Variants in RELT observed in about 807,000 individuals in gnomAD.
The protein encoded by RELT is RELT TNF receptor.
RELT carries 37 observed loss-of-function variants against 51.1 expected under a neutral mutation model. The observed-to-expected ratio is 0.72, with a 90% CI of 0.56 to 0.95. The LOEUF is 0.95. RELT is among the 40% of genes least tolerant of loss of function. The pLI is 0.00. For missense variants in RELT, 535 were observed against 572.6 expected (o/e 0.93, Z 0.67); for synonymous variants, 241 against 235.7 (o/e 1.02, Z -0.21).
rs866911047 is a variant in RELT, at chr11:73,392,464, C to G, written c.621C>G (p.Gly207=). The G allele has an allele frequency of 6.2e-7, 1 of 1,611,550 alleles. No individual in the cohort carries two copies. The highest frequency in any genetic ancestry group is 1.7e-4 in the Middle Eastern group (1 of 6,060). Residue 207 remains glycine (G), a synonymous_variant, in exon 6 of 11, where the codon GGC becomes GGG. Transcript: ENST00000064780. ...TCGGGCCCGGCCCTGGAGGTGGAGG[C>G]AGTGGTGAGGCCCAGCTGGGGTCCA... ...KEVGPGPGGG[G]SGINPAYRTE...
At position 73,395,059 on chromosome 11, in the gene RELT, G is replaced by A. The variant is rs539448434; in HGVS notation, c.1047-28G>A. The A allele has an allele frequency of 7.8e-5, 124 of 1,588,170 alleles. No homozygotes were observed. The South Asian group carries it at 9.6e-4, about 12-fold the overall frequency. On this transcript the variant is annotated intron_variant, in intron 9 of 10. Transcript: ENST00000064780. ...TCTGTGCCCCGGGATCCCCGCTAACGGGGATGATTGCCCCACTCTCCTCAC... is the reference window on the plus strand; with the variant it reads ...TCTGTGCCCCGGGATCCCCGCTAACAGGGATGATTGCCCCACTCTCCTCAC...
In RELT at chr11:73,376,423, G is replaced by A. The variant is rs932489331; in HGVS notation, c.-102G>A. 1 of 151,962 alleles carries A rather than the reference G, an allele frequency of 6.6e-6. No homozygotes were observed. The highest frequency in any genetic ancestry group is 1.5e-5 in the Non-Finnish European group (1 of 67,968). 9.4% of individuals were successfully genotyped at this position (151,962 alleles called of 1,614,324 possible). On this transcript the variant is annotated 5_prime_UTR_variant, in exon 1 of 11. Coordinates refer to ENST00000064780, the MANE Select transcript of RELT (RefSeq NM_152222.2). ...CAAAAGGCGCGCAGGCTGCGCGGCTGTCCGGGCGCTCGCCGAGCCGGGCCG... is the reference window on the plus strand; with the variant it reads ...CAAAAGGCGCGCAGGCTGCGCGGCTATCCGGGCGCTCGCCGAGCCGGGCCG...
intron 1 of RELT, among the ~76,000 whole-genome samples, chr11:73,379,762 G>A (rs992935211): frequency 1.3e-5 from 2 of 152,210 alleles, no homozygotes; most frequent in African/African-American, 4.8e-5. Flanking sequence ...TCTGGTTCTA[G>A]CTTCTGTGCT....
Position 73,394,180 on chromosome 11 carries a change from G to A in RELT, c.707-56G>A. The A allele has an allele frequency of 2.7e-6, 4 of 1,475,998 alleles. No homozygotes were observed. The highest frequency in any genetic ancestry group is 2.8e-6 in the Non-Finnish European group (3 of 1,078,672). The allele number at this position is 1,475,998 out of a possible 1,614,324, so 91.4% of individuals were successfully genotyped here. A position where few individuals can be genotyped will look rare whatever the true frequency, so the allele number is the denominator to read the frequency against. On this transcript the variant is annotated intron_variant, in intron 7 of 10. Transcript: ENST00000064780. The surrounding 1 kb of genome is among the most constrained non-coding windows in gnomAD (Gnocchi z 4.9). Reference sequence around the variant, plus strand: ...TGGGGGGTTCTCTGCTGGGGCAGGGGGTGGGAGGTGTGTCCCATATGGCCA... The same window carrying A: ...TGGGGGGTTCTCTGCTGGGGCAGGGAGTGGGAGGTGTGTCCCATATGGCCA...
intron 2 of RELT, 75 bp downstream of exon 2, chr11:73,389,256 G>C: frequency 9.4e-7 from 1 of 1,064,630 alleles, no homozygotes; most frequent in Middle Eastern, 2.2e-4. Flanking sequence ...AGAGGGTGCA[G>C]ACACTCCCGG....
intron 1 of RELT, among the ~76,000 whole-genome samples, chr11:73,384,914 C>T (rs891195481): frequency 3.9e-5 from 6 of 151,908 alleles, no homozygotes; most frequent in Non-Finnish European, 8.8e-5. Flanking sequence ...GAGCTGAGCT[C>T]TAAGGAAGAG....
At position 73,388,397 on chromosome 11, in the gene RELT, T is replaced by C. The variant is rs919718040; in HGVS notation, c.-25-715T>C. ...CGTGACCACCCCAGCCCCATAGGTCTGCCAGGGGAAGAGCTGTGGCCAGAC... is the reference window on the plus strand; with the variant it reads ...CGTGACCACCCCAGCCCCATAGGTCCGCCAGGGGAAGAGCTGTGGCCAGAC... On this transcript the variant is annotated intron_variant, in intron 1 of 10. Coordinates refer to ENST00000064780, the MANE Select transcript of RELT (RefSeq NM_152222.2). This position sits in a 1 kb window ranked among gnomAD's most constrained non-coding sequence, Gnocchi z 4.1. 2.0e-5 allele frequency among the ~76,000 whole-genome samples: 3 copies of C among 152,290 alleles called. No homozygotes were observed. Among genetic ancestry groups the C allele is most frequent in the Middle Eastern group, 3.4e-3 (1 of 294 alleles).
chr11:73,377,491 G>C (rs971915426), intron 1 of RELT, among the ~76,000 whole-genome samples: 3 of 152,068 alleles, frequency 2.0e-5, no homozygotes, highest in Admixed American at 6.5e-5. Context: ...GGCTGAGGGA[G>C]AAAGCCGAGG....
In RELT at chr11:73,394,665, C is replaced by T. The variant is rs371992975; in HGVS notation, c.977C>T (p.Pro326Leu). 1.2e-5 allele frequency: 19 copies of T among 1,613,656 alleles called. No homozygotes were observed. The highest frequency in any genetic ancestry group is 5.5e-5 in the South Asian group (5 of 91,086). ...TTPVPSLLPN[P>L]TRVPKAGAKA... ...CCTGTTCCCAGCCTTCTGCCTAACC[C>T]GACCAGGGTTCCCAAGGCCGGGGCC... is the stretch of plus-strand genomic sequence containing the variant. The change falls in exon 9 of 11, where the codon CCG (proline) becomes CTG (leucine). Residue 326 changes from proline to leucine, a missense_variant. Pro to Leu is a moderately conservative substitution (Grantham distance 98). Coordinates refer to ENST00000064780, the MANE Select transcript of RELT (RefSeq NM_152222.2). This position sits in a 1 kb window ranked among gnomAD's most constrained non-coding sequence, Gnocchi z 4.9.
intron 1 of RELT, among the ~76,000 whole-genome samples, chr11:73,380,446 C>T (rs1271515450): frequency 6.6e-6 from 1 of 152,186 alleles, no homozygotes; most frequent in African/African-American, 2.4e-5. Context: ...TGTAGTGTGC[C>T]AGGCTCTGGG....
intron 1 of RELT, among the ~76,000 whole-genome samples, chr11:73,379,474 G>A (rs1219272933): frequency 6.6e-6 from 1 of 152,090 alleles, no homozygotes; most frequent in African/African-American, 2.4e-5. Context: ...AGATATTGAG[G>A]GCCAGTCAGC....
At position 73,394,120 on chromosome 11, in the gene RELT, C is replaced by A; in HGVS notation, c.707-116C>A. 9.4e-7 allele frequency: 1 copy of A among 1,066,524 alleles called. No homozygotes were observed. The highest frequency in any genetic ancestry group is 1.4e-6 in the Non-Finnish European group (1 of 718,490). The allele number at this position is 1,066,524 out of a possible 1,614,324, so 66.1% of individuals were successfully genotyped here. ...TGATGAAGTGGGAGGAAAAGGCGCA[C>A]AGCCCAGGCTGGGAGTGGTGGTATG... On this transcript the variant is annotated intron_variant, in intron 7 of 10. Coordinates refer to ENST00000064780, the MANE Select transcript of RELT (RefSeq NM_152222.2). The surrounding 1 kb of genome is among the most constrained non-coding windows in gnomAD (Gnocchi z 4.9).
Position 73,395,297 on chromosome 11 carries a change from G to A in RELT, c.1245+12G>A. On this transcript the variant is annotated intron_variant, in intron 10 of 10. Coordinates refer to ENST00000064780, the MANE Select transcript of RELT (RefSeq NM_152222.2). Reference sequence around the variant, plus strand: ...AGAACAAGGCCGAGGTGAGAGTCAAGGAGAAAGGCATCTGTTGGCACCTGG... The same window carrying A: ...AGAACAAGGCCGAGGTGAGAGTCAAAGAGAAAGGCATCTGTTGGCACCTGG... 6.2e-7 allele frequency: 1 copy of A among 1,612,078 alleles called. No homozygotes were observed. Among genetic ancestry groups the A allele is most frequent in the Non-Finnish European group, 8.5e-7 (1 of 1,179,412 alleles).
intron 10 of RELT, 76 bp from the exon 11 acceptor site, chr11:73,395,368 C>G (rs1866301267): frequency 7.3e-6 from 11 of 1,500,704 alleles, no homozygotes; most frequent in Non-Finnish European, 1.9e-6. Flanking sequence ...TGCAGCGGGC[C>G]CTAGGCAGGG....
intron 1 of RELT, among the ~76,000 whole-genome samples, chr11:73,386,947 CTTTT>C (rs982762129): frequency 2.2e-5 from 3 of 138,992 alleles, no homozygotes; most frequent in Admixed American, 1.4e-4. Context: ...CTGGCTTTGT[CTTTT>C]TTTTTTTTTT....
chr11:73,377,378 G>A (rs966996705), intron 1 of RELT, among the ~76,000 whole-genome samples: 5 of 152,038 alleles, frequency 3.3e-5, no homozygotes, highest in African/African-American at 1.2e-4. Context: ...GGGCGATGAG[G>A]AAGTTGGGGA....
chr11:73,385,980 C>T (rs367934076), intron 1 of RELT, among the ~76,000 whole-genome samples: 2 of 152,312 alleles, frequency 1.3e-5, no homozygotes, highest in South Asian at 4.1e-4. Context: ...GAGCTGTGAT[C>T]GTGCTACTGC....
At position 73,395,195 on chromosome 11, in the gene RELT, G is replaced by A. The variant is rs138511554; in HGVS notation, c.1155G>A (p.Gln385=). Residue 385 remains glutamine (Q), a synonymous_variant, in exon 10 of 11, where the codon CAG becomes CAA. Transcript: ENST00000064780. ...GGGGTGATCTCCCTGACTCCCCACAGCCTGGCCTCCCCCCTGAGCAGCAGG... is the reference window on the plus strand; with the variant it reads ...GGGGTGATCTCCCTGACTCCCCACAACCTGGCCTCCCCCCTGAGCAGCAGG... ...PSWGDLPDSP[Q]PGLPPEQQAL... 1.9e-6 allele frequency: 3 copies of A among 1,613,206 alleles called. No individual in the cohort carries two copies. The highest frequency in any genetic ancestry group is 1.3e-5 in the African/African-American group (1 of 74,946).
At chr11:73,377,269 AGTGTGTGTGT>A (rs369117500) in intron 1 of RELT, among the ~76,000 whole-genome samples, 5 of 146,086 alleles carry the variant, frequency 3.4e-5, no homozygotes, top group Non-Finnish European at 6.0e-5. Flanking sequence ...AAGTGGTGTC[AGTGTGTGTGT>A]GTGTGTGTGT....
Sources: gnomAD v4.1 joint callset for allele counts (sites outside exome capture counted in the v4.1 genomes callset) on GRCh38, gnomAD v4.1.1 for gene constraint, Gnocchi (gnomAD v3.1) non-coding constraint, MANE v1.5 for transcripts, NCBI Gene and HGNC (gene_info 2026-07-23, HGNC 2026-07-21) for gene names.